The following FIG4 variants were observed in gnomAD, a reference collection of about 807,000 sequenced individuals.
The protein encoded by FIG4 is polyphosphoinositide phosphatase.
FIG4 carries 112 observed loss-of-function variants against 118.6 expected under a neutral mutation model. The observed-to-expected ratio is 0.94, with a 90% CI of 0.81 to 1.11. The LOEUF is 1.11. Among genes scored for constraint, FIG4 ranks in the 50% least tolerant of loss-of-function variants. The pLI is 0.00. For synonymous variants in FIG4, 369 were observed against 381.2 expected (o/e 0.97, Z 0.37); for missense variants, 969 against 1,111.7 (o/e 0.87, Z 1.83).
intron 18 of FIG4, among the ~76,000 whole-genome samples, chr6:109,787,051 A>C (rs1016955005): frequency 1.3e-5 from 2 of 152,164 alleles, no homozygotes; most frequent in Non-Finnish European, 2.9e-5. Context: ...TTGAGGAAGC[A>C]GTATTCATTT....
At chr6:109,793,894 C>A (rs1778206368) in intron 21 of FIG4, among the ~76,000 whole-genome samples, 1 of 152,232 alleles carries the variant, frequency 6.6e-6, no homozygotes, top group African/African-American at 2.4e-5. Flanking sequence ...CACAGCCACA[C>A]CCTCCTCACT....
intron 16 of FIG4, among the ~76,000 whole-genome samples, chr6:109,784,243 AT>A (rs1777888237): frequency 6.6e-6 from 1 of 152,054 alleles, no homozygotes; most frequent in Admixed American, 6.6e-5. Context: ...TTAGAATTTG[AT>A]TGAGAATTAA....
chr6:109,692,584 A>G (rs1244706418), intron 1 of FIG4, among the ~76,000 whole-genome samples: 2 of 152,218 alleles, frequency 1.3e-5, no homozygotes, highest in Non-Finnish European at 2.9e-5. Flanking sequence ...TGTATTTGCA[A>G]GTATTTTCAG....
At chr6:109,786,608 C>T (rs1777965781) in intron 18 of FIG4, among the ~76,000 whole-genome samples, 159 bp downstream of exon 18, 1 of 152,188 alleles carries the variant, frequency 6.6e-6, no homozygotes, top group Non-Finnish European at 1.5e-5. Flanking sequence ...CCCACTACTT[C>T]AAGAGGCAGC....
At chr6:109,713,453 A>G (rs561458762) in intron 1 of FIG4, among the ~76,000 whole-genome samples, 1 of 152,116 alleles carries the variant, frequency 6.6e-6, no homozygotes, top group Non-Finnish European at 1.5e-5. Flanking sequence ...GGGCTGGGGA[A>G]GGTCCACTGG....
At position 109,825,148 on chromosome 6, in the gene FIG4, C is replaced by T; in HGVS notation, c.2607C>T (p.Asp869=). ...ATGAAGTTCAGCCCCCAAGAGTAGA[C>T]AGAAAATCTACAGAGATCTTCCAAG... ...NIYEVQPPRV[D]RKSTEIFQAH... is the part of the protein sequence containing the mutation. Residue 869 remains aspartate, a synonymous_variant, in exon 23 of 23, where the codon GAC becomes GAT. Coordinates refer to ENST00000230124, the MANE Select transcript of FIG4 (RefSeq NM_014845.6). The T allele has an allele frequency of 6.2e-7, 1 of 1,613,972 alleles. No homozygotes were observed. Among genetic ancestry groups the T allele is most frequent in the Admixed American group, 1.7e-5 (1 of 60,022 alleles).
At chr6:109,786,636 T>G (rs1777966834) in intron 18 of FIG4, among the ~76,000 whole-genome samples, 187 bp downstream of exon 18, 1 of 152,202 alleles carries the variant, frequency 6.6e-6, no homozygotes, top group Admixed American at 6.5e-5. Context: ...ATTGTTCTAT[T>G]GACAGTTGGA....
At chr6:109,732,965 C>T (rs1320985496) in intron 5 of FIG4, among the ~76,000 whole-genome samples, 1 of 151,990 alleles carries the variant, frequency 6.6e-6, no homozygotes, top group Non-Finnish European at 1.5e-5. Context: ...ATTTTGTAAT[C>T]TTAAATTACA....
At chr6:109,754,632 T>A (rs1354089642) in intron 10 of FIG4, among the ~76,000 whole-genome samples, 3 of 152,202 alleles carry the variant, frequency 2.0e-5, no homozygotes, top group Non-Finnish European at 4.4e-5. Flanking sequence ...GTTATTGGTC[T>A]ATTCAGAGAT....
intron 22 of FIG4, among the ~76,000 whole-genome samples, chr6:109,810,634 A>G (rs181321720): frequency 6.6e-6 from 1 of 152,330 alleles, no homozygotes; most frequent in Non-Finnish European, 1.5e-5. Flanking sequence ...TCAAAGCCCA[A>G]TGGGAATTAA....
chr6:109,727,807 C>T (rs1256066951), intron 4 of FIG4, among the ~76,000 whole-genome samples: 2 of 152,026 alleles, frequency 1.3e-5, no homozygotes, highest in East Asian at 3.9e-4. Flanking sequence ...TGAATCTAAG[C>T]ATGGGGAAAT....
intron 14 of FIG4, among the ~76,000 whole-genome samples, chr6:109,765,952 G>C (rs1233141278): frequency 6.6e-6 from 1 of 152,116 alleles, no homozygotes; most frequent in Non-Finnish European, 1.5e-5. Flanking sequence ...AAGAAACACA[G>C]GTTTCAAAAG....
intron 10 of FIG4, among the ~76,000 whole-genome samples, chr6:109,747,923 T>A (rs1776554926): frequency 6.6e-6 from 1 of 152,092 alleles, no homozygotes; most frequent in Non-Finnish European, 1.5e-5. Context: ...AGTGCTGGGA[T>A]TACAGTCATG....
chr6:109,820,646 T>C (rs1046258201), intron 22 of FIG4, among the ~76,000 whole-genome samples: 4 of 152,072 alleles, frequency 2.6e-5, no homozygotes, highest in Non-Finnish European at 5.9e-5. Flanking sequence ...GTTTGAGGGA[T>C]GGGTGAAAAA....
intron 21 of FIG4, among the ~76,000 whole-genome samples, chr6:109,795,214 T>C (rs1450885353): frequency 1.4e-5 from 2 of 144,938 alleles, no homozygotes; most frequent in Non-Finnish European, 3.0e-5. Context: ...AAGCTCCGCT[T>C]CCGGGGTTCA....
intron 21 of FIG4, among the ~76,000 whole-genome samples, chr6:109,796,537 C>A (rs1778292049): frequency 6.6e-6 from 1 of 152,190 alleles, no homozygotes; most frequent in South Asian, 2.1e-4. Context: ...TGATTTCATT[C>A]TTTTATCCAT....
In FIG4 at chr6:109,766,843, C is replaced by T. The variant is rs761727163; in HGVS notation, c.1698C>T (p.His566=). ...TYRKIAPWTQ[H]SKDIMQTLSR... ...GAAAGATAGCACCATGGACCCAGCACTCCAAAGACATCATGCAAACCCTGT... is the reference window on the plus strand; with the variant it reads ...GAAAGATAGCACCATGGACCCAGCATTCCAAAGACATCATGCAAACCCTGT... Residue 566 remains histidine (H), a synonymous_variant, in exon 15 of 23, where the codon CAC becomes CAT. Coordinates refer to ENST00000230124, the MANE Select transcript of FIG4 (RefSeq NM_014845.6). 2 of 1,614,054 alleles carry T rather than the reference C, an allele frequency of 1.2e-6. No individual in the cohort carries two copies. The highest frequency in any genetic ancestry group is 1.7e-6 in the Non-Finnish European group (2 of 1,179,954).
At position 109,786,295 on chromosome 6, in the gene FIG4, C is replaced by A. The variant is rs758167651; in HGVS notation, c.1949-7C>A. 5.0e-6 allele frequency: 8 copies of A among 1,610,444 alleles called. No individual in the cohort carries two copies. In the Admixed American group the frequency reaches 1.2e-4, roughly 23 times the overall value. ...ACTTTTAGAGTAACATGCAGTATCT[C>A]TCTTAGTTATCTGTGCTGTGAACTT... On this transcript the variant is annotated splice_polypyrimidine_tract_variant and splice_region_variant and intron_variant, in intron 17 of 22. Transcript: ENST00000230124.
intron 9 of FIG4, 89 bp from the exon 10 acceptor site, chr6:109,743,586 T>TG: frequency 1.1e-6 from 1 of 946,828 alleles, no homozygotes; most frequent in Non-Finnish European, 1.7e-6. Context: ...TTAGTTGAAT[T>TG]GCATTTCTTT....
Sources: allele counts gnomAD v4.1 joint callset (sites outside exome capture counted in the v4.1 genomes callset), GRCh38; gene constraint gnomAD v4.1.1; transcripts MANE v1.5; gene names NCBI Gene and HGNC (gene_info 2026-07-23, HGNC 2026-07-21).